The following WIPF2 variants were observed in gnomAD, a reference collection of about 807,000 sequenced individuals.
WIPF2 encodes WAS/WASL-interacting protein family member 2.
Under a neutral mutation model 38.8 loss-of-function variants are expected in WIPF2, and 23 were observed. That is an observed-to-expected ratio of 0.59 (90% CI 0.43 to 0.84). The LOEUF is 0.84. WIPF2 is among the 40% of genes least tolerant of loss of function. The pLI, the probability that WIPF2 is intolerant of heterozygous loss-of-function variation, is 0.00. For synonymous variants in WIPF2, 210 were observed against 223.2 expected (o/e 0.94, Z 0.53); for missense variants, 574 against 580.5 (o/e 0.99, Z 0.11).
At chr17:40,227,560 G>T (rs902451947) in intron 1 of WIPF2, among the ~76,000 whole-genome samples, 10 of 151,840 alleles carry the variant, frequency 6.6e-5, no homozygotes, top group African/African-American at 2.4e-4. Context: ...ATTTTCTTTA[G>T]ATCTGTTCCA....
intron 1 of WIPF2, among the ~76,000 whole-genome samples, chr17:40,254,840 C>G (rs1383563027): frequency 6.6e-6 from 1 of 151,990 alleles, no homozygotes; most frequent in Non-Finnish European, 1.5e-5. Context: ...AAGCAGTTCT[C>G]CTGTCTGAGC....
chr17:40,256,480 G>A lies in WIPF2; in HGVS notation c.21G>A (p.Pro7=), dbSNP rs573803169. The stretch of plus-strand genomic sequence containing the variant: ...CAAGAATGCCAATTCCTCCTCCCCC[G>A]CCACCCCCACCTGGTCCTCCTCCAC... The part of the protein sequence containing the change: MPIPPP[P]PPPPGPPPPP... The change falls in exon 2 of 8, where the codon CCG becomes CCA. Residue 7 remains proline (P), a synonymous_variant. Coordinates refer to ENST00000323571, the MANE Select transcript of WIPF2 (RefSeq NM_133264.5). The A allele has an allele frequency of 4.1e-5, 41 of 1,002,950 alleles. No individual in the cohort carries two copies. Among genetic ancestry groups the A allele is most frequent in the African/African-American group, 1.0e-4 (6 of 59,000 alleles). The allele number at this position is 1,002,950 out of a possible 1,614,324, so 62.1% of individuals were successfully genotyped here.
chr17:40,264,930 C>T lies in WIPF2; in HGVS notation c.754C>T (p.Pro252Ser), dbSNP rs765593329. The T allele has an allele frequency of 5.0e-5, 80 of 1,614,120 alleles. No homozygotes were observed. The highest frequency in any genetic ancestry group is 6.5e-5 in the Non-Finnish European group (77 of 1,180,048). Residue 252 changes from proline to serine, a missense_variant, in exon 5 of 8, where the codon CCT becomes TCT. By Grantham distance (74) the Pro-to-Ser change is moderately conservative. Transcript: ENST00000323571. ...AAGTGGCCAGTCTCTGGCTCCTCCTCCTCCGCCTTACCGCCAGCCTCCTGG... is the reference window on the plus strand; with the variant it reads ...AAGTGGCCAGTCTCTGGCTCCTCCTTCTCCGCCTTACCGCCAGCCTCCTGG... The part of the protein sequence containing the change: ...GPSGQSLAPP[P>S]PPYRQPPGVP...
At chr17:40,258,410 G>A (rs1207765235) in intron 2 of WIPF2, among the ~76,000 whole-genome samples, 3 of 152,110 alleles carry the variant, frequency 2.0e-5, no homozygotes, top group Non-Finnish European at 4.4e-5. Context: ...TGGCCAACAT[G>A]GTGAAACCCC....
intron 6 of WIPF2, among the ~76,000 whole-genome samples, chr17:40,275,897 C>T (rs946607230): frequency 3.9e-5 from 6 of 152,166 alleles, no homozygotes; most frequent in African/African-American, 1.2e-4. Flanking sequence ...CTGTCCTTAC[C>T]TACCCACTGT....
In WIPF2 at chr17:40,282,450, C is replaced by CGTGCGCACGCGTGTGCGTGTGT. The variant is rs1169888876; in HGVS notation, c.*4229_*4250dup. 6.6e-6 allele frequency: 1 copy of CGTGCGCACGCGTGTGCGTGTGT among 151,790 alleles called. No individual in the cohort carries two copies. The highest frequency in any genetic ancestry group is 2.4e-5 in the African/African-American group (1 of 41,036). 9.4% of individuals were successfully genotyped at this position (151,790 alleles called of 1,614,324 possible). On this transcript the variant is annotated 3_prime_UTR_variant, in exon 8 of 8. Coordinates refer to ENST00000323571, the MANE Select transcript of WIPF2 (RefSeq NM_133264.5). ...ATAAATGACTAGAATGACACGTGTG[C>CGTGCGCACGCGTGTGCGTGTGT]GTGCGCACGCGTGTGCGTGTGTGTG...
intron 1 of WIPF2, among the ~76,000 whole-genome samples, chr17:40,240,594 C>T (rs1598475523): frequency 6.6e-6 from 1 of 151,714 alleles, no homozygotes; most frequent in Non-Finnish European, 1.5e-5. Flanking sequence ...TGACATCTCT[C>T]TCTCTGCTGT....
chr17:40,259,502 GCAAT>G (rs1305851350), intron 2 of WIPF2, among the ~76,000 whole-genome samples: 2 of 151,588 alleles, frequency 1.3e-5, no homozygotes, highest in African/African-American at 4.8e-5. Context: ...GGGCTTTGAG[GCAAT>G]CAGAGCATTC....
Position 40,278,323 on chromosome 17 carries a change from CAT to C in WIPF2, c.*99_*100del. 1 of 1,399,552 alleles carries C rather than the reference CAT, an allele frequency of 7.1e-7. No homozygotes were observed. 86.7% of individuals were successfully genotyped at this position (1,399,552 alleles called of 1,614,324 possible). ...CTGAAACCTGCATGAGAGCTCCTAA[CAT>C]GTTTCTCCAATGCAATCAAGCCCTA... On this transcript the variant is annotated 3_prime_UTR_variant, in exon 8 of 8. Transcript: ENST00000323571.
intron 1 of WIPF2, among the ~76,000 whole-genome samples, chr17:40,239,958 A>G (rs893144683): frequency 1.1e-4 from 17 of 151,686 alleles, no homozygotes; most frequent in African/African-American, 3.6e-4. Context: ...TGGCCTCCCA[A>G]AGTGCTGGGA....
At chr17:40,220,009 G>A (rs772075761) in intron 1 of WIPF2, 2 of 152,262 alleles carry the variant, frequency 1.3e-5, no homozygotes, top group South Asian at 2.1e-4. Flanking sequence ...TACACTAGAG[G>A]GAATCTTGAG....
At chr17:40,272,020 TTC>T (rs1175625694) in intron 5 of WIPF2, among the ~76,000 whole-genome samples, 1 of 149,454 alleles carries the variant, frequency 6.7e-6, no homozygotes, top group Non-Finnish European at 1.5e-5. Context: ...TATGAACATT[TTC>T]TTTTTTTTTT....
intron 4 of WIPF2, 53 bp from the exon 5 acceptor site, chr17:40,264,437 C>G: frequency 6.5e-7 from 1 of 1,536,718 alleles, no homozygotes; most frequent in South Asian, 1.1e-5. Context: ...AGTAGGGATA[C>G]TGACCAATAT....
At chr17:40,246,148 G>A (rs147149168) in intron 1 of WIPF2, among the ~76,000 whole-genome samples, 9 of 146,954 alleles carry the variant, frequency 6.1e-5, no homozygotes, top group African/African-American at 1.5e-4. Flanking sequence ...GTGCAGTGGC[G>A]TGATCTCGGC....
chr17:40,277,783 T>G (rs118048406), intron 7 of WIPF2, among the ~76,000 whole-genome samples: 2,157 of 145,294 alleles, frequency 0.015, 28 homozygotes, highest in Non-Finnish European at 0.022. Context: ...TGGAGTGCAG[T>G]GGTGCCATCT....
intron 1 of WIPF2, among the ~76,000 whole-genome samples, chr17:40,230,518 C>T (rs769408181): frequency 2.0e-5 from 3 of 151,900 alleles, no homozygotes; most frequent in Admixed American, 2.0e-4. Flanking sequence ...CTGGATGAAA[C>T]CTATTCTTTT....
intron 1 of WIPF2, among the ~76,000 whole-genome samples, chr17:40,229,713 T>C (rs72836646): frequency 0.015 from 2,269 of 152,324 alleles, 25 homozygotes; most frequent in Non-Finnish European, 0.023. Context: ...TGAGCCACCG[T>C]GCCTGGCCCA....
At chr17:40,258,766 G>C (rs1329652889) in intron 2 of WIPF2, among the ~76,000 whole-genome samples, 1 of 151,616 alleles carries the variant, frequency 6.6e-6, no homozygotes, top group East Asian at 1.9e-4. Flanking sequence ...AATGTGGAAA[G>C]ATACTGATTT....
At chr17:40,222,566 C>T (rs1415507349) in intron 1 of WIPF2, among the ~76,000 whole-genome samples, 1 of 138,036 alleles carries the variant, frequency 7.2e-6, no homozygotes, top group Non-Finnish European at 1.6e-5. Context: ...TCCTCTTAGC[C>T]TTGCTCATGT....
Sources: gnomAD v4.1 joint callset for allele counts (sites outside exome capture counted in the v4.1 genomes callset) on GRCh38, gnomAD v4.1.1 for gene constraint, MANE v1.5 for transcripts, NCBI Gene and HGNC (gene_info 2026-07-23, HGNC 2026-07-21) for gene names.